Variants in EPHB1 observed in about 807,000 individuals in gnomAD.
EPHB1 encodes ephrin type-B receptor 1.
A neutral mutation model predicts 94.4 loss-of-function variants in EPHB1; 30 were observed. The ratio of observed to expected loss-of-function variants is 0.32; its 90% CI spans 0.24 to 0.43. EPHB1 has a LOEUF of 0.43. EPHB1 is among the 20% of genes least tolerant of loss of function. The probability of loss-of-function intolerance (pLI) is 1.00; values close to 1 mark genes in which losing one functional copy is unlikely to be tolerated. For synonymous variants in EPHB1, 522 were observed against 489.1 expected (o/e 1.07, Z -0.89); for missense variants, 1,055 against 1,308.3 (o/e 0.81, Z 2.99).
chr3:134,882,749 CCTTT>C (rs2037763619), intron 1 of EPHB1, among the ~76,000 whole-genome samples: 1 of 38,052 alleles, frequency 2.6e-5, no homozygotes, highest in African/African-American at 5.7e-5. Context: ...CTTCTTTCTT[CCTTT>C]CTTCCTTCCT....
At chr3:134,942,977 A>G (rs191307910) in intron 2 of EPHB1, among the ~76,000 whole-genome samples, 11 of 152,368 alleles carry the variant, frequency 7.2e-5, no homozygotes, top group East Asian at 1.9e-4. Context: ...AATAAACTCA[A>G]TCATGCTTTA....
rs1942033780 is a variant in EPHB1, at chr3:135,178,054, A to G, written c.1760-1806A>G. Among the ~76,000 whole-genome samples the G allele has an allele frequency of 2.0e-5, 3 of 152,092 alleles. No homozygotes were observed. The South Asian group carries it at 6.2e-4, about 32-fold the overall frequency. Reference sequence around the variant, plus strand: ...GTGTCCTCCCAAAGCTTTCAAGGAGACTTCTAGAATGGTGTGAACAACCCT... The same window carrying G: ...GTGTCCTCCCAAAGCTTTCAAGGAGGCTTCTAGAATGGTGTGAACAACCCT... On this transcript the variant is annotated intron_variant, in intron 9 of 15. Coordinates refer to ENST00000398015, the MANE Select transcript of EPHB1 (RefSeq NM_004441.5).
intron 3 of EPHB1, among the ~76,000 whole-genome samples, chr3:135,029,629 C>T (rs1208005461): frequency 2.0e-5 from 3 of 149,286 alleles, no homozygotes; most frequent in South Asian, 4.5e-4. Context: ...GAGGGTAACC[C>T]GACCTTTCTC....
intron 2 of EPHB1, among the ~76,000 whole-genome samples, chr3:134,947,242 G>T (rs888527178): frequency 3.3e-5 from 5 of 152,098 alleles, no homozygotes; most frequent in African/African-American, 1.2e-4. Flanking sequence ...TATTGTAAAT[G>T]AAGTATATGT....
chr3:135,136,113 C>T (rs1005896692), intron 5 of EPHB1, among the ~76,000 whole-genome samples: 5 of 152,168 alleles, frequency 3.3e-5, no homozygotes, highest in African/African-American at 4.8e-5. Context: ...GGTGTTCTGT[C>T]CTAAAAGTGG....
chr3:135,228,815 TG>T (rs1312746348), intron 12 of EPHB1, among the ~76,000 whole-genome samples: 1 of 152,168 alleles, frequency 6.6e-6, no homozygotes, highest in Non-Finnish European at 1.5e-5. Context: ...CCAATCCTTT[TG>T]TTTTTCCTTT....
At chr3:135,145,543 G>T in intron 5 of EPHB1, among the ~76,000 whole-genome samples, 1 of 152,192 alleles carries the variant, frequency 6.6e-6, no homozygotes, top group East Asian at 1.9e-4. Flanking sequence ...ACCCAGAGCA[G>T]CTCTGCATTG....
chr3:134,804,199 A>C (rs1472094655), intron 1 of EPHB1, among the ~76,000 whole-genome samples: 1 of 147,472 alleles, frequency 6.8e-6, no homozygotes, highest in Non-Finnish European at 1.5e-5. Context: ...TTACAGTTCC[A>C]CATGGCTGGG....
chr3:135,048,863 T>C lies in EPHB1; in HGVS notation c.806-57585T>C, dbSNP rs116031675. On this transcript the variant is annotated intron_variant, in intron 3 of 15. Coordinates refer to ENST00000398015, the MANE Select transcript of EPHB1 (RefSeq NM_004441.5). ...TAGAACAACTCAAATGCCCAACCAA[T>C]AGTCAGTTAATTCCTGCTTGCTTCA... is the stretch of plus-strand genomic sequence containing the variant. Among the ~76,000 whole-genome samples the C allele has an allele frequency of 4.6e-3, 694 of 152,330 alleles. 3 individuals are homozygous for C. Among genetic ancestry groups the C allele is most frequent in the African/African-American group, 0.016 (660 of 41,586 alleles).
At chr3:135,229,857 C>A (rs1037532135) in intron 12 of EPHB1, among the ~76,000 whole-genome samples, 1 of 152,198 alleles carries the variant, frequency 6.6e-6, no homozygotes, top group African/African-American at 2.4e-5. Context: ...AGCCTCCATG[C>A]ACAGGGCAGG....
At position 135,169,960 on chromosome 3, in the gene EPHB1, G is replaced by A. The variant is rs368489379; in HGVS notation, c.1759+2954G>A. On this transcript the variant is annotated intron_variant, in intron 9 of 15. Coordinates refer to ENST00000398015, the MANE Select transcript of EPHB1 (RefSeq NM_004441.5). ...GTGGCTCCCCACTCTGAATCCCACT[G>A]CAGGAGGCAGAAAGATTGATAATGT... 2.0e-3 allele frequency among the ~76,000 whole-genome samples: 304 copies of A among 152,310 alleles called. 1 individual carries two copies. The highest frequency in any genetic ancestry group is 7.0e-3 in the African/African-American group (291 of 41,562).
At chr3:134,924,078 A>G (rs1381122478) in intron 1 of EPHB1, among the ~76,000 whole-genome samples, 1 of 152,214 alleles carries the variant, frequency 6.6e-6, no homozygotes. Flanking sequence ...CAACAATTGG[A>G]TATCCACATC....
chr3:135,256,084 C>T (rs1933370869), intron 15 of EPHB1, among the ~76,000 whole-genome samples: 4 of 151,984 alleles, frequency 2.6e-5, no homozygotes, highest in Admixed American at 2.6e-4. Flanking sequence ...GATCTTCCTC[C>T]ATCCTTTTAT....
chr3:134,881,003 A>G (rs1297739936), intron 1 of EPHB1, among the ~76,000 whole-genome samples: 2 of 152,138 alleles, frequency 1.3e-5, no homozygotes, highest in African/African-American at 4.8e-5. Flanking sequence ...CACCATTTCC[A>G]CACTCACCTT....
chr3:135,099,089 T>G (rs533291928), intron 3 of EPHB1, among the ~76,000 whole-genome samples: 2 of 126,896 alleles, frequency 1.6e-5, no homozygotes, highest in Non-Finnish European at 3.4e-5. Context: ...TTCTCTAATA[T>G]TAATATCATA....
intron 3 of EPHB1, among the ~76,000 whole-genome samples, chr3:135,090,079 G>A (rs1220955335): frequency 1.3e-5 from 2 of 152,236 alleles, no homozygotes; most frequent in African/African-American, 4.8e-5. Flanking sequence ...TTACCTCTCA[G>A]CACCTAGGAA....
intron 3 of EPHB1, among the ~76,000 whole-genome samples, chr3:135,011,963 A>AT (rs5852809): frequency 0.29 from 44,361 of 151,854 alleles, 7,299 homozygotes; most frequent in African/African-American, 0.43. Flanking sequence ...TGCAGTCCAG[A>AT]TTTTTTTTAC....
intron 3 of EPHB1, among the ~76,000 whole-genome samples, chr3:134,966,277 G>T (rs1259535316): frequency 1.3e-5 from 2 of 152,204 alleles, no homozygotes; most frequent in Non-Finnish European, 2.9e-5. Flanking sequence ...AAATCAGCTG[G>T]CTTTTAAGAG....
intron 6 of EPHB1, among the ~76,000 whole-genome samples, chr3:135,155,558 C>T (rs937424050): frequency 6.6e-6 from 1 of 151,954 alleles, no homozygotes; most frequent in Non-Finnish European, 1.5e-5. Flanking sequence ...AATCCTAGCA[C>T]GTTGGGAGGC....
Sources: gnomAD v4.1 joint callset for allele counts (sites outside exome capture counted in the v4.1 genomes callset) on GRCh38, gnomAD v4.1.1 for gene constraint, MANE v1.5 for transcripts, NCBI Gene and HGNC (gene_info 2026-07-23, HGNC 2026-07-21) for gene names.